The following CTNNA2 variants were observed in gnomAD, a reference collection of about 807,000 sequenced individuals.
The protein encoded by CTNNA2 is catenin alpha-2.
In CTNNA2, 42 loss-of-function variants were observed where a neutral mutation model predicts 101.0. The observed-to-expected ratio is 0.42, with a 90% CI of 0.32 to 0.54. The LOEUF (loss-of-function observed/expected upper bound fraction) is 0.54, where lower values mean the gene tolerates loss of function less well. Ranked by LOEUF, CTNNA2 falls within the 20% of genes least tolerant of loss-of-function variation. The pLI is 0.14. For missense variants in CTNNA2, 871 were observed against 1,223.1 expected, an observed-to-expected ratio of 0.71 and a Z score of 4.29; for synonymous variants, 450 against 456.4, an observed-to-expected ratio of 0.99 and a Z score of 0.18.
chr2:80,469,496 C>T (rs1559135923), intron 9 of CTNNA2, among the ~76,000 whole-genome samples: 2 of 152,194 alleles, frequency 1.3e-5, no homozygotes, highest in Admixed American at 1.3e-4. Context: ...CACTAATCCA[C>T]AAGTTGGATA....
At chr2:80,576,470 T>G (rs918931513) in intron 13 of CTNNA2, 1 of 151,240 alleles carries the variant, frequency 6.6e-6, no homozygotes, top group Non-Finnish European at 1.5e-5. Context: ...CTTAAAAATA[T>G]ATATGCAAAT....
intron 3 of CTNNA2, among the ~76,000 whole-genome samples, chr2:79,832,726 G>A (rs2105433848): frequency 6.6e-6 from 1 of 152,284 alleles, no homozygotes; most frequent in East Asian, 1.9e-4. Context: ...CACAGTGCAT[G>A]CATTCCTGAA....
chr2:79,721,994 TATA>T (rs751659078), intron 2 of CTNNA2, among the ~76,000 whole-genome samples: 3 of 152,250 alleles, frequency 2.0e-5, no homozygotes, highest in Non-Finnish European at 4.4e-5. Context: ...GAAGCGTGTT[TATA>T]ATATTTCTCA....
chr2:79,646,524 C>CTTTTTTTTTTTT (rs67454188), intron 1 of CTNNA2, among the ~76,000 whole-genome samples: 2 of 106,140 alleles, frequency 1.9e-5, no homozygotes, highest in Admixed American at 1.1e-4. Context: ...TTCTTTCTGT[C>CTTTTTTTTTTTT]TTTTTTTTTT....
intron 3 of CTNNA2, among the ~76,000 whole-genome samples, chr2:79,830,088 G>A (rs909196174): frequency 1.3e-5 from 2 of 152,138 alleles, no homozygotes; most frequent in African/African-American, 2.4e-5. Flanking sequence ...AGAGACGAGG[G>A]CAGGGAGCCA....
intron 2 of CTNNA2, among the ~76,000 whole-genome samples, chr2:79,664,694 T>G (rs1682272170): frequency 6.7e-6 from 1 of 149,388 alleles, no homozygotes; most frequent in Non-Finnish European, 1.5e-5. Flanking sequence ...TTCTGGAGAA[T>G]TCACATTCTT....
At chr2:80,364,094 C>T (rs1206721427) in intron 7 of CTNNA2, among the ~76,000 whole-genome samples, 1 of 152,056 alleles carries the variant, frequency 6.6e-6, no homozygotes, top group African/African-American at 2.4e-5. Context: ...GTGGGGAGGA[C>T]TGAGTTGAAT....
intron 3 of CTNNA2, among the ~76,000 whole-genome samples, chr2:79,758,151 C>T (rs1672521674): frequency 6.6e-6 from 1 of 152,152 alleles, no homozygotes; most frequent in Non-Finnish European, 1.5e-5. Flanking sequence ...TTGATTTGTG[C>T]ATAAAATACT....
chr2:79,280,701 G>GAGAGAGAGAGAGAGAGC (rs142826852), intron 2 of CTNNA2, among the ~76,000 whole-genome samples: 1 of 147,256 alleles, frequency 6.8e-6, no homozygotes, highest in Non-Finnish European at 1.5e-5. Context: ...GAGAGAGAGA[G>GAGAGAGAGAGAGAGAGC]ACCTATAGCT....
At chr2:79,749,955 T>G (rs1671905062) in intron 3 of CTNNA2, among the ~76,000 whole-genome samples, 2 of 152,202 alleles carry the variant, frequency 1.3e-5, no homozygotes, top group Non-Finnish European at 2.9e-5. Context: ...CCAAGCAGGA[T>G]GCTAGAGAGC....
intron 4 of CTNNA2, among the ~76,000 whole-genome samples, chr2:79,475,304 A>G (rs981821633): frequency 6.6e-6 from 1 of 152,176 alleles, no homozygotes; most frequent in Non-Finnish European, 1.5e-5. Flanking sequence ...AGAGCCGGAA[A>G]CTTGTCTCCT....
chr2:79,585,736 C>G (rs1183880624), intron 1 of CTNNA2, among the ~76,000 whole-genome samples: 1 of 152,006 alleles, frequency 6.6e-6, no homozygotes, highest in Non-Finnish European at 1.5e-5. Context: ...TCCCTCCCTC[C>G]CCCGGACAAC....
chr2:79,204,738 T>C (rs1259115262), intron 2 of CTNNA2, among the ~76,000 whole-genome samples: 5 of 152,186 alleles, frequency 3.3e-5, no homozygotes, highest in Admixed American at 2.6e-4. Context: ...GTGAGGGCTG[T>C]ATCCTACTTC....
chr2:80,155,239 G>A (rs1387969764), intron 7 of CTNNA2, among the ~76,000 whole-genome samples: 1 of 152,212 alleles, frequency 6.6e-6, no homozygotes, highest in Non-Finnish European at 1.5e-5. Flanking sequence ...TTGGATCACA[G>A]TTTGAGGACT....
chr2:80,302,871 C>T lies in CTNNA2; in HGVS notation c.1057-90340C>T. 6.2e-7 allele frequency: 1 copy of T among 1,614,166 alleles called. No individual in the cohort carries two copies. Among genetic ancestry groups the T allele is most frequent in the Non-Finnish European group, 8.5e-7 (1 of 1,180,024 alleles). ...AGGGCACACACGTTGCGCCCGCAATCCCACAGGTTCCCGGCCAGGGTGATG... is the reference window on the plus strand; with the variant it reads ...AGGGCACACACGTTGCGCCCGCAATTCCACAGGTTCCCGGCCAGGGTGATG... On this transcript the variant is annotated intron_variant, in intron 7 of 18. Transcript: ENST00000402739. The surrounding 1 kb of genome is among the most constrained non-coding windows in gnomAD (Gnocchi z 6.4).
chr2:79,463,861 C>T (rs1383487192), intron 4 of CTNNA2, among the ~76,000 whole-genome samples: 2 of 152,204 alleles, frequency 1.3e-5, no homozygotes, highest in Middle Eastern at 3.4e-3. Context: ...AATTCTCTTG[C>T]CCTCCAAATA....
chr2:79,899,261 C>T (rs1684917249), intron 6 of CTNNA2, among the ~76,000 whole-genome samples: 1 of 152,124 alleles, frequency 6.6e-6, no homozygotes. Context: ...TGGATACTCA[C>T]TTTCTAATCA....
intron 7 of CTNNA2, among the ~76,000 whole-genome samples, chr2:80,069,163 A>G (rs1177165468): frequency 6.6e-6 from 1 of 152,186 alleles, no homozygotes; most frequent in Non-Finnish European, 1.5e-5. Context: ...GAAGAGAGAG[A>G]GAATTCACCC....
intron 3 of CTNNA2, among the ~76,000 whole-genome samples, chr2:79,850,467 C>T (rs1680616943): frequency 6.6e-6 from 1 of 150,998 alleles, no homozygotes; most frequent in African/African-American, 2.4e-5. Context: ...CCCTTGCTTG[C>T]TTCCTTCCTT....
Sources: allele counts gnomAD v4.1 joint callset (sites outside exome capture counted in the v4.1 genomes callset), GRCh38; gene constraint gnomAD v4.1.1; non-coding constraint Gnocchi (gnomAD v3.1); transcripts MANE v1.5; gene names NCBI Gene and HGNC (gene_info 2026-07-23, HGNC 2026-07-21).